SPMIP2: variants seen among roughly 807,000 people sequenced by gnomAD.
SPMIP2 encodes the protein sperm microtubule inner protein 2, also known as protein SPMIP2.
the SPMIP2 span, among the ~76,000 whole-genome samples, chr4:158,969,757 T>C: frequency 6.6e-6 from 1 of 152,142 alleles, no homozygotes; most frequent in East Asian, 1.9e-4. Context: ...TAACCGCCAG[T>C]CTTATATAAA....
chr4:159,055,631 G>A, the SPMIP2 span, among the ~76,000 whole-genome samples: 1 of 152,104 alleles, frequency 6.6e-6, no homozygotes, highest in African/African-American at 2.4e-5. Context: ...GATCACTTGA[G>A]CCCAGGAAGT....
the SPMIP2 span, among the ~76,000 whole-genome samples, chr4:159,077,851 G>C: frequency 6.6e-6 from 1 of 152,120 alleles, no homozygotes; most frequent in African/African-American, 2.4e-5. Flanking sequence ...ATGGAACAAA[G>C]TAATATCCTG....
At chr4:159,080,163 C>T in the SPMIP2 span, among the ~76,000 whole-genome samples, 1 of 152,062 alleles carries the variant, frequency 6.6e-6, no homozygotes, top group East Asian at 1.9e-4. Flanking sequence ...AGCTTACAAT[C>T]TAGAAAAGAT....
chr4:158,893,268 A>C, the SPMIP2 span: 1 of 159,318 alleles, frequency 6.3e-6, no homozygotes, highest in Non-Finnish European at 1.4e-5. Context: ...TGTTAGCTTT[A>C]GAGCCCCATA....
chr4:158,962,362 C>T, the SPMIP2 span, among the ~76,000 whole-genome samples: 1 of 152,118 alleles, frequency 6.6e-6, no homozygotes, highest in South Asian at 2.1e-4. Flanking sequence ...CCAATTTTTA[C>T]TTTTCTTACT....
At chr4:158,901,645 C>G in the SPMIP2 span, among the ~76,000 whole-genome samples, 2 of 152,036 alleles carry the variant, frequency 1.3e-5, no homozygotes, top group African/African-American at 4.8e-5. Flanking sequence ...TAGATTTGGT[C>G]TTTTCACATA....
At chr4:159,065,516 G>A in the SPMIP2 span, among the ~76,000 whole-genome samples, 3 of 152,112 alleles carry the variant, frequency 2.0e-5, no homozygotes, top group East Asian at 5.8e-4. Context: ...TCAGGAGTTT[G>A]AGACCAGCCT....
At chr4:158,963,207 A>G in the SPMIP2 span, among the ~76,000 whole-genome samples, 1 of 152,190 alleles carries the variant, frequency 6.6e-6, no homozygotes, top group South Asian at 2.1e-4. Context: ...TTTGTTGAGC[A>G]TGCTAAGTGC....
chr4:158,914,915 A>G, the SPMIP2 span, among the ~76,000 whole-genome samples: 11 of 152,172 alleles, frequency 7.2e-5, no homozygotes, highest in African/African-American at 2.7e-4. Flanking sequence ...CCATTCTCTC[A>G]AGGTTAAACC....
At chr4:159,018,744 T>G in the SPMIP2 span, among the ~76,000 whole-genome samples, 1 of 152,056 alleles carries the variant, frequency 6.6e-6, no homozygotes, top group Non-Finnish European at 1.5e-5. Flanking sequence ...TCTCCTTGGG[T>G]TTATAATGAA....
chr4:158,906,782 T>C, the SPMIP2 span: 5 of 151,964 alleles, frequency 3.3e-5, no homozygotes, highest in Admixed American at 1.3e-4. Flanking sequence ...TGTCTTAAAT[T>C]CAGCCTCTTC....
At chr4:158,894,221 A>G in the SPMIP2 span, among the ~76,000 whole-genome samples, 7 of 142,884 alleles carry the variant, frequency 4.9e-5, no homozygotes, top group East Asian at 1.4e-3. Flanking sequence ...CCCAGGTTAT[A>G]GTGCAGTAGT....
At chr4:158,914,188 CCA>C in the SPMIP2 span, among the ~76,000 whole-genome samples, 1 of 152,180 alleles carries the variant, frequency 6.6e-6, no homozygotes, top group South Asian at 2.1e-4. Flanking sequence ...AAGCCCTCCT[CCA>C]CACACACTGC....
At chr4:158,928,802 G>A in the SPMIP2 span, among the ~76,000 whole-genome samples, 5 of 151,962 alleles carry the variant, frequency 3.3e-5, no homozygotes, top group Admixed American at 6.6e-5. Flanking sequence ...TGAAGCCAGC[G>A]AGACCACGAG....
chr4:159,035,463 A>G, the SPMIP2 span, among the ~76,000 whole-genome samples: 1 of 152,220 alleles, frequency 6.6e-6, no homozygotes, highest in East Asian at 1.9e-4. Context: ...CAACATTTCA[A>G]AAAGAATGTC....
the SPMIP2 span, among the ~76,000 whole-genome samples, chr4:158,966,932 A>G: frequency 1.3e-5 from 2 of 152,186 alleles, no homozygotes; most frequent in African/African-American, 4.8e-5. Flanking sequence ...CTTAGTTGAG[A>G]GGCCAGGTAA....
At chr4:158,957,337 C>G in the SPMIP2 span, among the ~76,000 whole-genome samples, 1 of 152,196 alleles carries the variant, frequency 6.6e-6, no homozygotes, top group African/African-American at 2.4e-5. Context: ...TCTATACAGT[C>G]TGGCAGCACA....
At chr4:159,045,456 C>A in the SPMIP2 span, among the ~76,000 whole-genome samples, 3 of 152,176 alleles carry the variant, frequency 2.0e-5, no homozygotes, top group African/African-American at 7.2e-5. Context: ...TGAAACCTTT[C>A]TTTATTATTT....
At chr4:159,019,729 G>A in the SPMIP2 span, among the ~76,000 whole-genome samples, 1 of 152,152 alleles carries the variant, frequency 6.6e-6, no homozygotes, top group Admixed American at 6.6e-5. Context: ...GAGTGTGGCT[G>A]TGGCAGGAAC....
Sources: gnomAD v4.1 joint callset for allele counts (sites outside exome capture counted in the v4.1 genomes callset) on GRCh38, gnomAD v4.1.1 for gene constraint, MANE v1.5 for transcripts, NCBI Gene and HGNC (gene_info 2026-07-23, HGNC 2026-07-21) for gene names.